The following DPYSL2 variants were observed in gnomAD, a reference collection of about 807,000 sequenced individuals.
DPYSL2 encodes the protein dihydropyrimidinase-related protein 2.
DPYSL2 carries 13 observed loss-of-function variants against 69.9 expected under a neutral mutation model. The observed-to-expected ratio is 0.19, with a 90% confidence interval of 0.12 to 0.30. DPYSL2 has a LOEUF of 0.30. Ranked by LOEUF, DPYSL2 falls within the 10% of genes least tolerant of loss-of-function variation. The probability of loss-of-function intolerance (pLI) is 1.00; values close to 1 mark genes in which losing one functional copy is unlikely to be tolerated. For missense variants in DPYSL2, 587 were observed against 918.9 expected, an observed-to-expected ratio of 0.64 and a Z score of 4.67; for synonymous variants, 326 against 359.1, an observed-to-expected ratio of 0.91 and a Z score of 1.04.
intron 1 of DPYSL2, chr8:26,548,059 G>T: frequency 4.0e-6 from 1 of 251,798 alleles, no homozygotes. Context: ...GTGATCACAT[G>T]GATCCAGCAT....
chr8:26,585,994 C>T lies in DPYSL2; in HGVS notation c.628+2011C>T, dbSNP rs547793639. 4.0e-4 allele frequency among the ~76,000 whole-genome samples: 61 copies of T among 152,210 alleles called. No individual in the cohort carries two copies. The highest frequency in any genetic ancestry group is 8.1e-4 in the Non-Finnish European group (55 of 68,006). ...TGGCATGCTCCTGGAGTCCCAGCTA[C>T]TTGGGAGGCTGAGGCAGGAGAATCT... On this transcript the variant is annotated intron_variant, in intron 3 of 13. Transcript: ENST00000521913. The surrounding 1 kb of genome is among the most constrained non-coding windows in gnomAD (Gnocchi z 4.0).
rs188312032 is a variant in DPYSL2, at chr8:26,586,278, T to G, written c.628+2295T>G. ...CTGTGTTCTAGCTGTGTGTCTCCAGTGAGGGATTTGTGCTACATGACCCTG... is the reference window on the plus strand; with the variant it reads ...CTGTGTTCTAGCTGTGTGTCTCCAGGGAGGGATTTGTGCTACATGACCCTG... On this transcript the variant is annotated intron_variant, in intron 3 of 13. Coordinates refer to ENST00000521913, the MANE Select transcript of DPYSL2 (RefSeq NM_001197293.3). This position sits in a 1 kb window ranked among gnomAD's most constrained non-coding sequence, Gnocchi z 4.7. Among the ~76,000 whole-genome samples, 11 of 152,312 alleles carry G rather than the reference T, an allele frequency of 7.2e-5. No individual in the cohort carries two copies. The highest frequency in any genetic ancestry group is 2.6e-4 in the African/African-American group (11 of 41,574).
In DPYSL2 at chr8:26,597,325, G is replaced by A. The variant is rs1216094419; in HGVS notation, c.628+13342G>A. ...GCCAGATTGAGCTGATTTCTGTCAC[G>A]TAGGCTGCTCCGAGGTTGCCTTGCC... is the stretch of plus-strand genomic sequence containing the variant. On this transcript the variant is annotated intron_variant, in intron 3 of 13. Transcript: ENST00000521913. The surrounding 1 kb of genome is among the most constrained non-coding windows in gnomAD (Gnocchi z 5.2). Among the ~76,000 whole-genome samples, 2 of 152,206 alleles carry A rather than the reference G, an allele frequency of 1.3e-5. No homozygotes were observed. Among genetic ancestry groups the A allele is most frequent in the Admixed American group, 6.5e-5 (1 of 15,284 alleles).
intron 1 of DPYSL2, among the ~76,000 whole-genome samples, chr8:26,546,912 A>G (rs1423861485): frequency 9.3e-6 from 1 of 107,624 alleles, no homozygotes; most frequent in Non-Finnish European, 1.8e-5. Flanking sequence ...ACTGAGGGAG[A>G]CTCAGTCTCA....
chr8:26,630,100 A>G lies in DPYSL2; in HGVS notation c.1005+2160A>G, dbSNP rs939356715. Among the ~76,000 whole-genome samples the G allele has an allele frequency of 2.6e-5, 4 of 152,308 alleles. No homozygotes were observed. The East Asian group carries it at 7.7e-4, about 29-fold the overall frequency. ...ATATGTGTTGTACCCACGTATTTTC[A>G]CATACACATATACACATGTACAAGC... On this transcript the variant is annotated intron_variant, in intron 7 of 13. Transcript: ENST00000521913.
chr8:26,634,712 G>T, intron 7 of DPYSL2, 68 bp from the exon 8 acceptor site: 1 of 1,611,330 alleles, frequency 6.2e-7, no homozygotes, highest in Non-Finnish European at 8.5e-7. Context: ...TCTCTGGGGT[G>T]GAGGATAAAG....
chr8:26,554,657 T>C (rs905804800), intron 1 of DPYSL2, among the ~76,000 whole-genome samples: 2 of 152,188 alleles, frequency 1.3e-5, no homozygotes, highest in Non-Finnish European at 2.9e-5. Context: ...GGGTTTTACA[T>C]TTAAGCCTTT....
chr8:26,618,544 C>A (rs1305542748), intron 3 of DPYSL2, among the ~76,000 whole-genome samples: 4 of 146,582 alleles, frequency 2.7e-5, no homozygotes, highest in Non-Finnish European at 4.5e-5. Flanking sequence ...GTCTTGAACT[C>A]CTGGCCTGAA....
chr8:26,643,385 G>T lies in DPYSL2; in HGVS notation c.1127-54G>T. 1 of 1,526,306 alleles carries T rather than the reference G, an allele frequency of 6.6e-7. No homozygotes were observed. The highest frequency in any genetic ancestry group is 8.8e-7 in the Non-Finnish European group (1 of 1,138,604). The allele number at this position is 1,526,306 out of a possible 1,614,324, so 94.5% of individuals were successfully genotyped here. On this transcript the variant is annotated intron_variant, in intron 8 of 13. Transcript: ENST00000521913. The surrounding 1 kb of genome is among the most constrained non-coding windows in gnomAD (Gnocchi z 6.5). Reference sequence around the variant, plus strand: ...CAGGCAGTGGCTCCTCATAGGGGTGGTTCCCTTCCCCCTGCATTGTGTTGG... The same window carrying T: ...CAGGCAGTGGCTCCTCATAGGGGTGTTTCCCTTCCCCCTGCATTGTGTTGG...
intron 3 of DPYSL2, among the ~76,000 whole-genome samples, chr8:26,599,469 C>T (rs964753334): frequency 5.3e-5 from 8 of 152,088 alleles, no homozygotes; most frequent in African/African-American, 1.9e-4. Context: ...ACTATTCTTG[C>T]TTCTTCTTAG....
At position 26,514,826 on chromosome 8, in the gene DPYSL2, T is replaced by A; in HGVS notation, c.354+147T>A. The A allele has an allele frequency of 1.3e-6, 1 of 747,220 alleles. No homozygotes were observed. The highest frequency in any genetic ancestry group is 1.9e-6 in the Non-Finnish European group (1 of 513,866). 46.3% of individuals were successfully genotyped at this position (747,220 alleles called of 1,614,324 possible). A position where few individuals can be genotyped will look rare whatever the true frequency, so the allele number is the denominator to read the frequency against. On this transcript the variant is annotated intron_variant, in intron 1 of 13. Coordinates refer to ENST00000521913, the MANE Select transcript of DPYSL2 (RefSeq NM_001197293.3). This position sits in a 1 kb window ranked among gnomAD's most constrained non-coding sequence, Gnocchi z 8.4. The stretch of plus-strand genomic sequence containing the variant: ...CGCGCACCCCGCCCTACCCGCCCCT[T>A]CTCCGCGCAGGGTGCGGCGAGGCTC...
intron 1 of DPYSL2, among the ~76,000 whole-genome samples, chr8:26,523,042 T>G (rs962415153): frequency 1.3e-5 from 2 of 152,084 alleles, no homozygotes; most frequent in African/African-American, 4.8e-5. Flanking sequence ...TCAGTATTCT[T>G]GAGTGTTTTG....
Position 26,586,102 on chromosome 8 carries a change from C to CA in DPYSL2, c.628+2128dup, listed in dbSNP as rs71553809. 0.12 allele frequency among the ~76,000 whole-genome samples: 17,441 copies of CA among 150,322 alleles called. 1,072 individuals are homozygous for CA. The highest frequency in any genetic ancestry group is 0.16 in the Middle Eastern group (48 of 292). ...TGAGCAATAGAGTGAGACTCCGTCT[C>CA]AAAAAAAAACAAACAAAAAAATTCT... On this transcript the variant is annotated intron_variant, in intron 3 of 13. Coordinates refer to ENST00000521913, the MANE Select transcript of DPYSL2 (RefSeq NM_001197293.3). The surrounding 1 kb of genome is among the most constrained non-coding windows in gnomAD (Gnocchi z 4.7).
intron 1 of DPYSL2, among the ~76,000 whole-genome samples, chr8:26,561,101 C>T (rs1441116439): frequency 6.6e-6 from 1 of 152,274 alleles, no homozygotes; most frequent in African/African-American, 2.4e-5. Context: ...AAATGCAAGA[C>T]TCTACTAGGG....
chr8:26,544,644 T>A (rs1800736967), intron 1 of DPYSL2, among the ~76,000 whole-genome samples: 1 of 152,234 alleles, frequency 6.6e-6, no homozygotes, highest in Non-Finnish European at 1.5e-5. Context: ...CCACCGCCAA[T>A]CTGATGGATA....
chr8:26,546,686 G>A (rs1035512407), intron 1 of DPYSL2, among the ~76,000 whole-genome samples: 5 of 151,886 alleles, frequency 3.3e-5, no homozygotes, highest in Admixed American at 6.6e-5. Context: ...TTGGGAGGCC[G>A]AGACGGGTGG....
chr8:26,641,215 C>T lies in DPYSL2; in HGVS notation c.1127-2224C>T, dbSNP rs1374594303. On this transcript the variant is annotated intron_variant, in intron 8 of 13. Transcript: ENST00000521913. This position sits in a 1 kb window ranked among gnomAD's most constrained non-coding sequence, Gnocchi z 4.1. ...ACTCAGGAAAATGTTTATGTGTGTCCAGGGATTTTCAGAGACTATCCAGCC... is the reference window on the plus strand; with the variant it reads ...ACTCAGGAAAATGTTTATGTGTGTCTAGGGATTTTCAGAGACTATCCAGCC... Among the ~76,000 whole-genome samples the T allele has an allele frequency of 6.6e-6, 1 of 151,834 alleles. No individual in the cohort carries two copies. The highest frequency in any genetic ancestry group is 1.5e-5 in the Non-Finnish European group (1 of 67,922).
intron 3 of DPYSL2, among the ~76,000 whole-genome samples, chr8:26,606,676 TCA>T (rs1802113568): frequency 6.6e-6 from 1 of 152,212 alleles, no homozygotes; most frequent in Admixed American, 6.5e-5. Flanking sequence ...AATTGAAGTT[TCA>T]CTGAGCTAAG....
Position 26,655,832 on chromosome 8 carries a change from G to C in DPYSL2, c.*126G>C. 1 of 938,632 alleles carries C rather than the reference G, an allele frequency of 1.1e-6. No homozygotes were observed. The highest frequency in any genetic ancestry group is 1.5e-6 in the Non-Finnish European group (1 of 673,656). The allele number at this position is 938,632 out of a possible 1,614,324, so 58.1% of individuals were successfully genotyped here. ...TTAAGAGCCTGTGATAGTTACTGTG[G>C]AGCAGCCAGTTCATGGGGTCCCCCT... On this transcript the variant is annotated 3_prime_UTR_variant, in exon 14 of 14. Coordinates refer to ENST00000521913, the MANE Select transcript of DPYSL2 (RefSeq NM_001197293.3).
Sources: gnomAD v4.1 joint callset for allele counts (sites outside exome capture counted in the v4.1 genomes callset) on GRCh38, gnomAD v4.1.1 for gene constraint, Gnocchi (gnomAD v3.1) non-coding constraint, MANE v1.5 for transcripts, NCBI Gene and HGNC (gene_info 2026-07-23, HGNC 2026-07-21) for gene names.